The following PLCB1 variants were observed in gnomAD, a reference collection of about 807,000 sequenced individuals.
The protein encoded by PLCB1 is 1-phosphatidylinositol 4,5-bisphosphate phosphodiesterase beta-1.
PLCB1 carries 46 observed loss-of-function variants against 161.8 expected under a neutral mutation model. That is an observed-to-expected ratio of 0.28 (90% CI 0.22 to 0.36). PLCB1 has a LOEUF of 0.36. PLCB1 is among the 10% of genes least tolerant of loss of function. The pLI, the probability that PLCB1 is intolerant of heterozygous loss-of-function variation, is 1.00. For synonymous variants in PLCB1, 517 were observed against 503.7 expected (o/e 1.03, Z -0.35); for missense variants, 1,016 against 1,472.5 (o/e 0.69, Z 5.07).
At chr20:8,537,274 C>T (rs374210727) in intron 3 of PLCB1, among the ~76,000 whole-genome samples, 1 of 152,180 alleles carries the variant, frequency 6.6e-6, no homozygotes, top group African/African-American at 2.4e-5. Context: ...CCCGGACTTA[C>T]AGTTTTTACA....
chr20:8,721,685 A>T (rs538726396), intron 14 of PLCB1, among the ~76,000 whole-genome samples: 1 of 152,196 alleles, frequency 6.6e-6, no homozygotes, highest in Non-Finnish European at 1.5e-5. Flanking sequence ...TACGATATGC[A>T]CTTCGTTGTG....
chr20:8,395,246 G>A (rs966771137), intron 3 of PLCB1, among the ~76,000 whole-genome samples: 3 of 152,042 alleles, frequency 2.0e-5, no homozygotes, highest in Non-Finnish European at 2.9e-5. Context: ...GTCGAAAGCA[G>A]TAGTTAATGA....
chr20:8,287,548 T>G (rs561642576), intron 2 of PLCB1, among the ~76,000 whole-genome samples: 1 of 152,306 alleles, frequency 6.6e-6, no homozygotes, highest in South Asian at 2.1e-4. Context: ...AATTACTCAG[T>G]ACCAGTCCCC....
At chr20:8,309,683 AG>A (rs1345178039) in intron 2 of PLCB1, among the ~76,000 whole-genome samples, 1 of 152,208 alleles carries the variant, frequency 6.6e-6, no homozygotes, top group Non-Finnish European at 1.5e-5. Context: ...TTCCGTTGAC[AG>A]CAGTTTTCTT....
intron 2 of PLCB1, among the ~76,000 whole-genome samples, chr20:8,261,126 C>A (rs948335243): frequency 6.6e-6 from 1 of 152,122 alleles, no homozygotes; most frequent in African/African-American, 2.4e-5. Context: ...TTCTGCTTCT[C>A]TTGATCTTTT....
intron 4 of PLCB1, 80 bp from the exon 5 acceptor site, chr20:8,646,022 T>C: frequency 2.1e-6 from 2 of 953,536 alleles, no homozygotes; most frequent in South Asian, 2.7e-5. Context: ...TAATGTGTCT[T>C]CCTGGAAGCC....
chr20:8,363,482 G>A (rs1417704220), intron 2 of PLCB1, among the ~76,000 whole-genome samples: 1 of 152,112 alleles, frequency 6.6e-6, no homozygotes, highest in East Asian at 1.9e-4. Context: ...CAAGTCTCTT[G>A]CTTCTAAACC....
intron 31 of PLCB1, among the ~76,000 whole-genome samples, chr20:8,840,242 C>A (rs1007017548): frequency 6.6e-6 from 1 of 152,130 alleles, no homozygotes; most frequent in Non-Finnish European, 1.5e-5. Flanking sequence ...AAGCCCAAGC[C>A]TCAAGCATAG....
At chr20:8,687,395 A>G (rs1990384216) in intron 10 of PLCB1, among the ~76,000 whole-genome samples, 1 of 152,144 alleles carries the variant, frequency 6.6e-6, no homozygotes, top group Non-Finnish European at 1.5e-5. Context: ...TGGTTACATG[A>G]GTAAGTTCTT....
chr20:8,193,847 T>C (rs885644), intron 2 of PLCB1, among the ~76,000 whole-genome samples: 33,153 of 151,936 alleles, frequency 0.22, 3,783 homozygotes, highest in African/African-American at 0.28. Flanking sequence ...CAATGAGGTA[T>C]AGTAAATGCT....
intron 31 of PLCB1, among the ~76,000 whole-genome samples, chr20:8,818,942 C>CAA (rs59427171): frequency 1.3e-4 from 9 of 66,932 alleles, no homozygotes; most frequent in Admixed American, 3.5e-4. Flanking sequence ...GACTCAGTCT[C>CAA]AAAAAAAAAA....
chr20:8,705,628 G>A (rs114388586), intron 11 of PLCB1, among the ~76,000 whole-genome samples: 1,884 of 152,306 alleles, frequency 0.012, 33 homozygotes, highest in African/African-American at 0.035. Context: ...CACAGGTGCT[G>A]TACTTACTCC....
chr20:8,383,993 T>C (rs575554186), intron 3 of PLCB1, among the ~76,000 whole-genome samples: 2 of 152,234 alleles, frequency 1.3e-5, no homozygotes, highest in South Asian at 2.1e-4. Flanking sequence ...CTGAAAATTA[T>C]GTGTCTTGGG....
Position 8,708,562 on chromosome 20 carries a change from C to T in PLCB1, c.1168-108C>T, listed in dbSNP as rs557625101. ...TCTAGCCATTTCAGGCCATTCGATA[C>T]AATTCTCTGAATGGAAAAGACAACT... On this transcript the variant is annotated intron_variant, in intron 11 of 31. Coordinates refer to ENST00000338037, the MANE Select transcript of PLCB1 (RefSeq NM_015192.4). 2.1e-3 allele frequency: 1,473 copies of T among 698,940 alleles called. 13 individuals are homozygous for T. The highest frequency in any genetic ancestry group is 8.3e-3 in the South Asian group (468 of 56,156). The allele number at this position is 698,940 out of a possible 1,614,324, so 43.3% of individuals were successfully genotyped here.
intron 3 of PLCB1, among the ~76,000 whole-genome samples, chr20:8,478,110 T>C (rs1164604254): frequency 6.6e-6 from 1 of 152,210 alleles, no homozygotes; most frequent in East Asian, 1.9e-4. Flanking sequence ...TTTTGTTAAT[T>C]TGCAGTGGTA....
chr20:8,570,322 G>A (rs1290777986), intron 3 of PLCB1, among the ~76,000 whole-genome samples: 1 of 152,152 alleles, frequency 6.6e-6, no homozygotes, highest in Non-Finnish European at 1.5e-5. Flanking sequence ...CTAAGTCTGT[G>A]GCTTCCACCC....
chr20:8,302,715 AT>A (rs1202212884), intron 2 of PLCB1, among the ~76,000 whole-genome samples: 2 of 152,046 alleles, frequency 1.3e-5, no homozygotes, highest in South Asian at 2.1e-4. Context: ...CAGTTTTTTA[AT>A]TTTTTTAATT....
intron 3 of PLCB1, among the ~76,000 whole-genome samples, chr20:8,496,709 A>G (rs1402814263): frequency 6.6e-6 from 1 of 152,184 alleles, no homozygotes; most frequent in African/African-American, 2.4e-5. Context: ...ATAGGTGGAA[A>G]GTAGAAATCA....
chr20:8,299,379 A>G (rs538835573), intron 2 of PLCB1, among the ~76,000 whole-genome samples: 56 of 152,192 alleles, frequency 3.7e-4, no homozygotes, highest in African/African-American at 1.3e-3. Context: ...GCCTTGGAAT[A>G]CAAGTAACCA....
Sources: allele counts gnomAD v4.1 joint callset (sites outside exome capture counted in the v4.1 genomes callset), GRCh38; gene constraint gnomAD v4.1.1; transcripts MANE v1.5; gene names NCBI Gene and HGNC (gene_info 2026-07-23, HGNC 2026-07-21).